GSK3B: variants seen among roughly 807,000 people sequenced by gnomAD.
GSK3B encodes the protein glycogen synthase kinase-3 beta.
In GSK3B, 15 loss-of-function variants were observed where a neutral mutation model predicts 56.4. The ratio of observed to expected loss-of-function variants is 0.27; its 90% CI spans 0.18 to 0.41. The LOEUF (loss-of-function observed/expected upper bound fraction) is 0.41. Ranked by LOEUF, GSK3B falls within the 10% of genes least tolerant of loss-of-function variation. The pLI, the probability that GSK3B is intolerant of heterozygous loss-of-function variation, is 1.00. For synonymous variants in GSK3B, 181 were observed against 188.9 expected, an observed-to-expected ratio of 0.96 and a Z score of 0.34; for missense variants, 300 against 513.4, an observed-to-expected ratio of 0.58 and a Z score of 4.02.
chr3:119,882,583 T>TATA (rs1252371532), intron 7 of GSK3B, among the ~76,000 whole-genome samples: 1 of 152,184 alleles, frequency 6.6e-6, no homozygotes, highest in African/African-American at 2.4e-5. Flanking sequence ...TCAGCATGCA[T>TATA]ATAATTAAGG....
At chr3:119,927,453 G>C (rs927326399) in intron 3 of GSK3B, among the ~76,000 whole-genome samples, 1 of 152,190 alleles carries the variant, frequency 6.6e-6, no homozygotes, top group South Asian at 2.1e-4. Context: ...TAGGTATACC[G>C]GCTAGTTGAA....
chr3:120,046,391 T>C (rs1292240020), intron 1 of GSK3B, among the ~76,000 whole-genome samples: 2 of 152,206 alleles, frequency 1.3e-5, no homozygotes, highest in East Asian at 3.9e-4. Context: ...AAGATGTTAA[T>C]AACAGGGGAA....
chr3:119,977,719 A>C (rs2057420841), intron 2 of GSK3B, among the ~76,000 whole-genome samples: 1 of 152,204 alleles, frequency 6.6e-6, no homozygotes, highest in Non-Finnish European at 1.5e-5. Context: ...TAAAATACTA[A>C]TAATTAGGTG....
At chr3:120,046,102 A>T in intron 1 of GSK3B, among the ~76,000 whole-genome samples, 1 of 148,042 alleles carries the variant, frequency 6.8e-6, no homozygotes, top group East Asian at 2.1e-4. Flanking sequence ...AGGGGATGGG[A>T]GGAGGGGGAT....
At chr3:119,937,478 G>A (rs1046380461) in intron 3 of GSK3B, among the ~76,000 whole-genome samples, 1 of 152,060 alleles carries the variant, frequency 6.6e-6, no homozygotes, top group Non-Finnish European at 1.5e-5. Flanking sequence ...GCAGAATTGT[G>A]AGCCACATAA....
chr3:120,025,132 G>T (rs2057912167), intron 1 of GSK3B, among the ~76,000 whole-genome samples: 1 of 152,090 alleles, frequency 6.6e-6, no homozygotes, highest in Non-Finnish European at 1.5e-5. Flanking sequence ...ACGGAGGCGG[G>T]CAGATCACTT....
chr3:120,049,778 C>T (rs1576296207), intron 1 of GSK3B, among the ~76,000 whole-genome samples: 1 of 152,114 alleles, frequency 6.6e-6, no homozygotes, highest in African/African-American at 2.4e-5. Context: ...GTAGGCAAAC[C>T]TTTTCTGTAA....
rs546578318 is a variant in GSK3B at position 119,921,897 on chromosome 3, G to T, written c.477+1476C>A. Reference sequence around the variant, plus strand: ...TTGCGCCTGTAATCTCAGTACTTGGGGAGTCCCAGCTGGTGGATCAATTGA... The same window carrying T: ...TTGCGCCTGTAATCTCAGTACTTGGTGAGTCCCAGCTGGTGGATCAATTGA... On this transcript the variant is annotated intron_variant, in intron 4 of 10. Coordinates refer to ENST00000264235, the MANE Select transcript of GSK3B (RefSeq NM_001146156.2). Among the ~76,000 whole-genome samples the T allele has an allele frequency of 5.6e-4, 85 of 152,060 alleles. 1 individual carries two copies. Among genetic ancestry groups the T allele is most frequent in the Non-Finnish European group, 1.2e-3 (80 of 68,010 alleles).
chr3:119,849,242 C>A (rs1463061185), intron 9 of GSK3B, among the ~76,000 whole-genome samples: 1 of 152,114 alleles, frequency 6.6e-6, no homozygotes, highest in African/African-American at 2.4e-5. Context: ...ATCCATCCAA[C>A]AATATTGAAC....
chr3:119,991,735 G>A lies in GSK3B; in HGVS notation c.282+10311C>T, dbSNP rs533563099. ...TATGATAATCAAGAGAAACAAATAGGTCAATATATCAAATTTTATTTTTTG... is the reference window on the plus strand; with the variant it reads ...TATGATAATCAAGAGAAACAAATAGATCAATATATCAAATTTTATTTTTTG... On this transcript the variant is annotated intron_variant, in intron 2 of 10. Transcript: ENST00000264235. Among the ~76,000 whole-genome samples, 17 of 152,010 alleles carry A rather than the reference G, an allele frequency of 1.1e-4. No individual in the cohort carries two copies. The East Asian group carries it at 3.1e-3, about 28-fold the overall frequency.
intron 1 of GSK3B, among the ~76,000 whole-genome samples, chr3:120,089,389 C>T (rs2058492079): frequency 6.6e-6 from 1 of 152,208 alleles, no homozygotes; most frequent in South Asian, 2.1e-4. Context: ...CACACATGAA[C>T]TCTTTTCCAC....
chr3:119,874,317 C>T (rs1038352611), intron 8 of GSK3B, among the ~76,000 whole-genome samples: 18 of 152,016 alleles, frequency 1.2e-4, no homozygotes, highest in African/African-American at 4.3e-4. Context: ...TCTATACATA[C>T]AGTGATAAAA....
At chr3:119,893,478 G>C (rs2056527455) in intron 7 of GSK3B, among the ~76,000 whole-genome samples, 1 of 152,072 alleles carries the variant, frequency 6.6e-6, no homozygotes, top group Admixed American at 6.6e-5. Flanking sequence ...AAAAGGCAAA[G>C]AGCAAAAAGG....
intron 1 of GSK3B, among the ~76,000 whole-genome samples, chr3:120,012,598 A>G (rs781277538): frequency 5.9e-5 from 9 of 152,216 alleles, no homozygotes; most frequent in Admixed American, 5.2e-4. Flanking sequence ...TACATAAACC[A>G]GAATAGACCC....
At chr3:119,853,284 C>A (rs926911666) in intron 9 of GSK3B, among the ~76,000 whole-genome samples, 7 of 152,090 alleles carry the variant, frequency 4.6e-5, no homozygotes, top group Admixed American at 4.6e-4. Context: ...TGGTCTATAT[C>A]TCTGTTTTGG....
chr3:120,046,145 T>C (rs1398415886), intron 1 of GSK3B, among the ~76,000 whole-genome samples: 1 of 152,118 alleles, frequency 6.6e-6, no homozygotes, highest in African/African-American at 2.4e-5. Context: ...ATGTTGGGAT[T>C]CTGGAGGCAG....
At chr3:120,008,946 C>T (rs2057753650) in intron 1 of GSK3B, among the ~76,000 whole-genome samples, 1 of 148,908 alleles carries the variant, frequency 6.7e-6, no homozygotes, top group East Asian at 2.1e-4. Flanking sequence ...TGACAAAGGG[C>T]TAATATAAAG....
At chr3:119,962,467 A>C (rs2057281803) in intron 2 of GSK3B, among the ~76,000 whole-genome samples, 1 of 152,168 alleles carries the variant, frequency 6.6e-6, no homozygotes, top group African/African-American at 2.4e-5. Context: ...TTTTCCTCTA[A>C]GATTATGAAC....
chr3:119,903,220 G>C (rs934262627), intron 7 of GSK3B, among the ~76,000 whole-genome samples: 1 of 152,026 alleles, frequency 6.6e-6, no homozygotes, highest in African/African-American at 2.4e-5. Context: ...ATCTATCCTG[G>C]GCAGCCACGG....
Sources: gnomAD v4.1 joint callset for allele counts (sites outside exome capture counted in the v4.1 genomes callset) on GRCh38, gnomAD v4.1.1 for gene constraint, MANE v1.5 for transcripts, NCBI Gene and HGNC (gene_info 2026-07-23, HGNC 2026-07-21) for gene names.